The following MROH9 variants were observed in gnomAD, a reference collection of about 807,000 sequenced individuals.
MROH9 encodes maestro heat-like repeat-containing protein family member 9.
A neutral mutation model predicts 98.2 loss-of-function variants in MROH9; 92 were observed. The ratio of observed to expected loss-of-function variants is 0.94; its 90% CI spans 0.79 to 1.11. MROH9 has a LOEUF of 1.11. MROH9 is among the 50% of genes most tolerant of loss of function. MROH9 has a pLI of 0.00. For missense variants in MROH9, 1,057 were observed against 1,014.8 expected (o/e 1.04, Z -0.57); for synonymous variants, 397 against 368.9 (o/e 1.08, Z -0.87).
intron 17 of MROH9, among the ~76,000 whole-genome samples, chr1:171,021,483 A>G (rs1652517502): frequency 6.6e-6 from 1 of 152,148 alleles, no homozygotes; most frequent in Non-Finnish European, 1.5e-5. Flanking sequence ...GATCTTCAAC[A>G]ATCCTGCCAA....
intron 1 of MROH9, among the ~76,000 whole-genome samples, chr1:170,939,458 T>A (rs1649032019): frequency 6.6e-6 from 1 of 152,326 alleles, no homozygotes; most frequent in East Asian, 1.9e-4. Flanking sequence ...TGTGCCTGTA[T>A]ATCATGTAGA....
intron 20 of MROH9, among the ~76,000 whole-genome samples, chr1:171,038,899 C>A (rs1017134491): frequency 1.3e-5 from 2 of 151,840 alleles, no homozygotes; most frequent in African/African-American, 4.8e-5. Flanking sequence ...TGAGAGATCT[C>A]ATAGAAGTTT....
chr1:171,012,168 TAG>T (rs1457163196), intron 15 of MROH9, among the ~76,000 whole-genome samples: 1 of 152,086 alleles, frequency 6.6e-6, no homozygotes, highest in Non-Finnish European at 1.5e-5. Flanking sequence ...ATCCACAAAT[TAG>T]GGGAAATTTC....
chr1:171,041,871 A>T (rs746666825), intron 20 of MROH9, among the ~76,000 whole-genome samples: 1 of 151,960 alleles, frequency 6.6e-6, no homozygotes, highest in Non-Finnish European at 1.5e-5. Context: ...TTGTGGGTAC[A>T]TAGTAGGTGT....
At chr1:171,037,466 A>G (rs1653139645) in intron 20 of MROH9, among the ~76,000 whole-genome samples, 1 of 152,048 alleles carries the variant, frequency 6.6e-6, no homozygotes, top group Admixed American at 6.6e-5. Flanking sequence ...CAAAGACTGA[A>G]AATAGAAAGG....
At chr1:171,027,209 C>T (rs1045760778) in intron 20 of MROH9, among the ~76,000 whole-genome samples, 1 of 152,180 alleles carries the variant, frequency 6.6e-6, no homozygotes, top group East Asian at 1.9e-4. Flanking sequence ...CGCCTCAACC[C>T]CCACCTCCCA....
chr1:171,053,329 T>C (rs974138119), intron 20 of MROH9, among the ~76,000 whole-genome samples: 1 of 152,248 alleles, frequency 6.6e-6, no homozygotes, highest in South Asian at 2.1e-4. Context: ...TCCCAAATAC[T>C]CCCAGGCTTT....
rs1652635971 is a variant in MROH9, at chr1:171,024,424, T to C, written c.1938T>C (p.Ile646=). The C allele has an allele frequency of 6.4e-7, 1 of 1,551,276 alleles. No homozygotes were observed. The highest frequency in any genetic ancestry group is 1.4e-5 in the African/African-American group (1 of 72,984). The change falls in exon 18 of 22, where the codon ATT becomes ATC. Residue 646 remains isoleucine, a synonymous_variant. Coordinates refer to ENST00000367759, the MANE Select transcript of MROH9 (RefSeq NM_001163629.2). Reference sequence around the variant, plus strand: ...ATGGAGGCATTCGAAGTATGGCAATTCGACACTTTGGTCAATTAGTTAGGG... The same window carrying C: ...ATGGAGGCATTCGAAGTATGGCAATCCGACACTTTGGTCAATTAGTTAGGG... ...HINGGIRSMA[I]RHFGQLVRDM...
intron 15 of MROH9, 112 bp downstream of exon 15, chr1:170,998,386 G>A (rs1651664011): frequency 1.2e-6 from 2 of 1,610,112 alleles, no homozygotes; most frequent in Non-Finnish European, 1.7e-6. Flanking sequence ...TTCTTACCAA[G>A]ACTTAAGATC....
intron 20 of MROH9, among the ~76,000 whole-genome samples, chr1:171,059,126 C>T (rs1191853210): frequency 1.3e-5 from 2 of 150,792 alleles, no homozygotes; most frequent in African/African-American, 5.0e-5. Context: ...CGACAAGAAA[C>T]TTAAATAAAT....
intron 8 of MROH9, among the ~76,000 whole-genome samples, chr1:170,977,904 G>A (rs1347522833): frequency 6.6e-6 from 1 of 152,178 alleles, no homozygotes; most frequent in African/African-American, 2.4e-5. Context: ...CAAGCTAGGA[G>A]TTCCCTGCCT....
chr1:170,959,247 C>A (rs1010784946), intron 4 of MROH9, among the ~76,000 whole-genome samples: 1 of 151,950 alleles, frequency 6.6e-6, no homozygotes, highest in Non-Finnish European at 1.5e-5. Flanking sequence ...TGGTGGCGGG[C>A]GCCTGTAGTC....
Position 170,995,440 on chromosome 1 carries a change from G to C in MROH9, c.1246G>C (p.Val416Leu). The change falls in exon 13 of 22, where the codon GTG becomes CTG. Residue 416 changes from valine (V) to leucine (L), a missense_variant. Physicochemically the swap from Val to Leu is conservative, Grantham distance 32. Coordinates refer to ENST00000367759, the MANE Select transcript of MROH9 (RefSeq NM_001163629.2). ...GCCTCTTGGTTCCTACAGGAAAGCG[G>C]TGGCCCAGTATTTCCCCCAGCTCTT... The part of the protein sequence containing the change: ...FLPLGSYRKA[V>L]AQYFPQLLTT... 1 of 1,613,420 alleles carries C rather than the reference G, an allele frequency of 6.2e-7. No individual in the cohort carries two copies. Among genetic ancestry groups the C allele is most frequent in the South Asian group, 1.1e-5 (1 of 91,058 alleles).
chr1:170,938,885 G>A (rs538945545), intron 1 of MROH9, among the ~76,000 whole-genome samples: 13 of 152,268 alleles, frequency 8.5e-5, no homozygotes, highest in Admixed American at 2.6e-4. Flanking sequence ...TTGGCCACTC[G>A]GTAGTGGCCA....
chr1:171,056,988 T>A (rs974466839), intron 20 of MROH9, among the ~76,000 whole-genome samples: 1 of 152,062 alleles, frequency 6.6e-6, no homozygotes, highest in South Asian at 2.1e-4. Flanking sequence ...CTCACAAAAC[T>A]AGGCAAACTC....
intron 15 of MROH9, among the ~76,000 whole-genome samples, chr1:171,013,833 G>T (rs1165284670): frequency 1.3e-5 from 2 of 149,048 alleles, no homozygotes; most frequent in Non-Finnish European, 3.0e-5. Context: ...ATTTAAATTG[G>T]GTCACTCAGT....
chr1:171,030,089 G>A (rs1652855911), intron 20 of MROH9, among the ~76,000 whole-genome samples: 1 of 152,136 alleles, frequency 6.6e-6, no homozygotes, highest in Non-Finnish European at 1.5e-5. Context: ...GCATAGAGGT[G>A]TTTATAGTAT....
At chr1:170,970,739 A>T (rs879489499) in intron 7 of MROH9, among the ~76,000 whole-genome samples, 5,682 of 106,284 alleles carry the variant, frequency 0.053, 313 homozygotes, top group African/African-American at 0.18. Flanking sequence ...TGTGAGAGAG[A>T]GAGAGAGAGA....
intron 15 of MROH9, among the ~76,000 whole-genome samples, chr1:171,013,874 T>C (rs1323883830): frequency 3.5e-5 from 5 of 144,274 alleles, no homozygotes; most frequent in South Asian, 2.3e-4. Flanking sequence ...GTAAAATACA[T>C]ACACACACAC....
Sources: gnomAD v4.1 joint callset for allele counts (sites outside exome capture counted in the v4.1 genomes callset) on GRCh38, gnomAD v4.1.1 for gene constraint, MANE v1.5 for transcripts, NCBI Gene and HGNC (gene_info 2026-07-23, HGNC 2026-07-21) for gene names.